SLC25A21: variants seen among roughly 807,000 people sequenced by gnomAD.
SLC25A21 encodes solute carrier family 25 member 21.
Under a neutral mutation model 43.8 loss-of-function variants are expected in SLC25A21, and 47 were observed. The ratio of observed to expected loss-of-function variants is 1.07; its 90% CI spans 0.85 to 1.37. The LOEUF (loss-of-function observed/expected upper bound fraction) is 1.37. Ranked by LOEUF, SLC25A21 falls within the 40% of genes most tolerant of loss-of-function variation. The pLI is 0.00. For missense variants in SLC25A21, 352 were observed against 350.2 expected, an observed-to-expected ratio of 1.00 and a Z score of -0.04; for synonymous variants, 131 against 121.3, an observed-to-expected ratio of 1.08 and a Z score of -0.52.
chr14:36,803,594 A>G (rs565594636), intron 3 of SLC25A21, among the ~76,000 whole-genome samples: 1 of 152,168 alleles, frequency 6.6e-6, no homozygotes, highest in Non-Finnish European at 1.5e-5. Flanking sequence ...TGTATCTAAC[A>G]CTTTATCTCA....
At chr14:37,099,446 C>G (rs1962774284) in intron 1 of SLC25A21, among the ~76,000 whole-genome samples, 1 of 152,076 alleles carries the variant, frequency 6.6e-6, no homozygotes, top group Admixed American at 6.5e-5. Context: ...CATTTGTTGT[C>G]TCAATCATCC....
At position 36,729,568 on chromosome 14, in the gene SLC25A21, T is replaced by C. The variant is rs139127590; in HGVS notation, c.271-2A>G. Reference sequence around the variant, plus strand: ...CTTGTACTGCTCAAAGGTGAAAAACTGTGAAACAAAACCAAACTCACAGAT... The same window carrying C: ...CTTGTACTGCTCAAAGGTGAAAAACCGTGAAACAAAACCAAACTCACAGAT... On this transcript the variant is annotated splice_acceptor_variant, in intron 4 of 9. Transcript: ENST00000331299. LOFTEE classifies it high-confidence loss of function. The C allele has an allele frequency of 5.6e-6, 9 of 1,606,328 alleles. No homozygotes were observed. The highest frequency in any genetic ancestry group is 7.6e-6 in the Non-Finnish European group (9 of 1,177,458).
intron 1 of SLC25A21, among the ~76,000 whole-genome samples, chr14:36,881,648 T>C (rs147693974): frequency 1.3e-5 from 2 of 152,286 alleles, no homozygotes; most frequent in East Asian, 1.9e-4. Flanking sequence ...AGTGTGTAAC[T>C]ACATAGACGG....
At chr14:36,729,593 T>C in intron 4 of SLC25A21, 27 bp from the exon 5 acceptor site, 1 of 1,582,988 alleles carries the variant, frequency 6.3e-7, no homozygotes, top group South Asian at 1.2e-5. Flanking sequence ...AACTCACAGA[T>C]TTATAACAAT....
At chr14:36,720,116 C>A (rs541991926) in intron 6 of SLC25A21, among the ~76,000 whole-genome samples, 1 of 152,338 alleles carries the variant, frequency 6.6e-6, no homozygotes, top group East Asian at 1.9e-4. Flanking sequence ...CTACATCCCA[C>A]ACCTTCTTCT....
At chr14:37,070,200 C>A (rs779951478) in intron 1 of SLC25A21, among the ~76,000 whole-genome samples, 1 of 152,194 alleles carries the variant, frequency 6.6e-6, no homozygotes, top group Non-Finnish European at 1.5e-5. Flanking sequence ...CATTTACCTT[C>A]TTTGATGGGC....
At chr14:37,022,656 T>C (rs1157428262) in intron 1 of SLC25A21, among the ~76,000 whole-genome samples, 2 of 152,006 alleles carry the variant, frequency 1.3e-5, no homozygotes, top group African/African-American at 4.8e-5. Context: ...CTTCGGCCTA[T>C]GTGCAGATTA....
intron 1 of SLC25A21, among the ~76,000 whole-genome samples, chr14:37,152,840 A>C (rs1963782362): frequency 6.6e-6 from 1 of 152,218 alleles, no homozygotes; most frequent in Admixed American, 6.5e-5. Context: ...ATAGGGGAGA[A>C]AGGTTCAAGA....
chr14:36,804,238 T>C (rs917312799), intron 3 of SLC25A21, among the ~76,000 whole-genome samples: 30 of 152,168 alleles, frequency 2.0e-4, no homozygotes, highest in African/African-American at 7.2e-4. Context: ...CTTCCCTAGA[T>C]GAAATTCAGC....
At chr14:36,969,753 A>T (rs1301869272) in intron 1 of SLC25A21, among the ~76,000 whole-genome samples, 1 of 151,982 alleles carries the variant, frequency 6.6e-6, no homozygotes, top group Non-Finnish European at 1.5e-5. Flanking sequence ...TGGCCTCCCA[A>T]AATGTTGAGA....
chr14:36,970,963 T>G (rs1010036673), intron 1 of SLC25A21, among the ~76,000 whole-genome samples: 1 of 152,170 alleles, frequency 6.6e-6, no homozygotes, highest in Non-Finnish European at 1.5e-5. Context: ...TTGTACAAAA[T>G]ATTCACACCT....
chr14:37,166,888 C>A (rs1414051394), intron 1 of SLC25A21, among the ~76,000 whole-genome samples: 2 of 152,134 alleles, frequency 1.3e-5, no homozygotes, highest in African/African-American at 4.8e-5. Context: ...CACCAGTTAC[C>A]TTCTAATCCT....
intron 1 of SLC25A21, among the ~76,000 whole-genome samples, chr14:36,986,593 G>C (rs1383922177): frequency 1.3e-5 from 2 of 152,086 alleles, no homozygotes; most frequent in Non-Finnish European, 2.9e-5. Flanking sequence ...TCCTACAGAG[G>C]ATCTTAGTTA....
chr14:36,987,928 T>C (rs779895806), intron 1 of SLC25A21, among the ~76,000 whole-genome samples: 33 of 152,200 alleles, frequency 2.2e-4, no homozygotes, highest in Non-Finnish European at 3.7e-4. Flanking sequence ...TTCTCAAGTA[T>C]TGCTTTTCAT....
At chr14:37,052,172 G>C (rs1961722368) in intron 1 of SLC25A21, among the ~76,000 whole-genome samples, 1 of 152,194 alleles carries the variant, frequency 6.6e-6, no homozygotes, top group African/African-American at 2.4e-5. Context: ...GGAATTCACA[G>C]CATTAAAGTA....
At chr14:37,110,474 T>C (rs1962998100) in intron 1 of SLC25A21, among the ~76,000 whole-genome samples, 2 of 152,184 alleles carry the variant, frequency 1.3e-5, no homozygotes, top group Non-Finnish European at 2.9e-5. Flanking sequence ...TTTGTATTCT[T>C]TGATTTCTCA....
intron 6 of SLC25A21, chr14:36,725,150 T>G (rs952275534): frequency 6.6e-6 from 1 of 152,468 alleles, no homozygotes; most frequent in Non-Finnish European, 1.5e-5. Flanking sequence ...GGATAAAAGT[T>G]GTGCCCATTG....
intron 1 of SLC25A21, among the ~76,000 whole-genome samples, chr14:37,084,578 T>A (rs1962448692): frequency 6.6e-6 from 1 of 152,268 alleles, no homozygotes; most frequent in Non-Finnish European, 1.5e-5. Context: ...TATGTTGTTA[T>A]TTGTCCTTCC....
intron 1 of SLC25A21, among the ~76,000 whole-genome samples, chr14:37,054,045 G>A (rs902432558): frequency 1.3e-4 from 20 of 152,164 alleles, no homozygotes; most frequent in African/African-American, 4.8e-4. Context: ...CTGGCTTTGG[G>A]GACTTGCCTG....
Sources: allele counts gnomAD v4.1 joint callset (sites outside exome capture counted in the v4.1 genomes callset), GRCh38; gene constraint gnomAD v4.1.1; transcripts MANE v1.5; gene names NCBI Gene and HGNC (gene_info 2026-07-23, HGNC 2026-07-21).